Variants in TMEM101 observed in about 807,000 individuals in gnomAD.
The protein encoded by TMEM101 is transmembrane protein 101.
Under a neutral mutation model 26.0 loss-of-function variants are expected in TMEM101, and 14 were observed. The observed-to-expected ratio is 0.54, with a 90% CI of 0.36 to 0.84. TMEM101 has a LOEUF of 0.84. Ranked by LOEUF, TMEM101 falls within the 40% of genes least tolerant of loss-of-function variation. TMEM101 has a pLI of 0.01. For missense variants in TMEM101, 292 were observed against 345.1 expected, an observed-to-expected ratio of 0.85 and a Z score of 1.22; for synonymous variants, 152 against 145.1, an observed-to-expected ratio of 1.05 and a Z score of -0.34.
chr17:44,016,122 C>A (rs1755940427), upstream of TMEM101, among the ~76,000 whole-genome samples: 1 of 150,694 alleles, frequency 6.6e-6, no homozygotes, highest in African/African-American at 2.4e-5. Flanking sequence ...TATAGATACA[C>A]ACGCACACAC....
chr17:44,014,898 C>G lies in TMEM101; in HGVS notation c.55G>C (p.Gly19Arg). Residue 19 changes from glycine to arginine, a missense_variant, in exon 1 of 4, where the codon GGT (glycine) becomes CGT (arginine). Physicochemically the swap from Gly to Arg is moderately radical, Grantham distance 125. Around this residue, in one of 2 missense-constraint regions of TMEM101, gnomAD observed 143 missense variants for 133.2 expected, o/e 1.07. Transcript: ENST00000206380. ...RWMLQLIMQL[G>R]SVLLTRCPFW... Reference sequence around the variant, plus strand: ...GGGCAGCGTGTGAGCAGCACCGAACCCAACTGCATGATCAGCTGCAACATC... The same window carrying G: ...GGGCAGCGTGTGAGCAGCACCGAACGCAACTGCATGATCAGCTGCAACATC... 6.2e-7 allele frequency: 1 copy of G among 1,614,090 alleles called. No individual in the cohort carries two copies. Among genetic ancestry groups the G allele is most frequent in the Non-Finnish European group, 8.5e-7 (1 of 1,179,980 alleles).
chr17:44,016,634 T>C (rs148002441), upstream of TMEM101, among the ~76,000 whole-genome samples: 2 of 152,292 alleles, frequency 1.3e-5, no homozygotes, highest in African/African-American at 4.8e-5. Context: ...ATACTGTAAG[T>C]TGAAAATGTG....
intron 2 of TMEM101, among the ~76,000 whole-genome samples, chr17:44,013,374 G>A (rs564551633): frequency 1.4e-4 from 21 of 152,194 alleles, no homozygotes; most frequent in Admixed American, 9.8e-4. Context: ...AAACTGTCAG[G>A]TCTGGCCAGG....
upstream of TMEM101, chr17:44,019,257 C>T (rs530089881): frequency 5.0e-6 from 2 of 400,614 alleles, no homozygotes; most frequent in African/African-American, 2.1e-5. Context: ...GAGGATTCAC[C>T]ACCAGACTGG....
At chr17:44,018,274 A>G (rs2049253086), upstream of TMEM101, among the ~76,000 whole-genome samples, 1 of 152,126 alleles carries the variant, frequency 6.6e-6, no homozygotes, top group Admixed American at 6.5e-5. Context: ...GCATTGAGCT[A>G]TGATTGCACT....
Position 44,012,091 on chromosome 17 carries a change from G to C in TMEM101, c.611C>G (p.Ala204Gly). Residue 204 changes from alanine to glycine, a missense_variant, in exon 4 of 4, where the codon GCC (alanine) becomes GGC (glycine). Physicochemically the swap from Ala to Gly is moderately conservative, Grantham distance 60. Transcript: ENST00000206380. Reference sequence around the variant, plus strand: ...GGGCAGCAGTACAGCCAGGATCTGGGCAGCGAGGGTCACGTAGTAGCCTGA... The same window carrying C: ...GGGCAGCAGTACAGCCAGGATCTGGCCAGCGAGGGTCACGTAGTAGCCTGA... Reference protein sequence around the residue: ...FLSGYYVTLAAQILAVLLPPV... With the variant: ...FLSGYYVTLAGQILAVLLPPV... 1 of 1,614,248 alleles carries C rather than the reference G, an allele frequency of 6.2e-7. No individual in the cohort carries two copies. Among genetic ancestry groups the C allele is most frequent in the East Asian group, 2.2e-5 (1 of 44,886 alleles).
intron 2 of TMEM101, among the ~76,000 whole-genome samples, chr17:44,020,485 C>G (rs1281688317): frequency 6.6e-6 from 1 of 152,156 alleles, no homozygotes; most frequent in African/African-American, 2.4e-5. Flanking sequence ...CTTTGGGAGG[C>G]CGAGGAGGGC....
intron 1 of TMEM101, 107 bp downstream of exon 1, chr17:44,014,709 G>C: frequency 6.6e-7 from 1 of 1,507,646 alleles, no homozygotes; most frequent in South Asian, 1.3e-5. Flanking sequence ...ACCCCTCCCA[G>C]GGAGGTCCCA....
At chr17:44,017,576 A>G (rs2049245916), upstream of TMEM101, among the ~76,000 whole-genome samples, 2 of 149,616 alleles carry the variant, frequency 1.3e-5, no homozygotes, top group African/African-American at 2.5e-5. Context: ...CCTGGGTGAC[A>G]AGGTGAGACA....
intron 1 of TMEM101, chr17:44,023,001 G>T: frequency 4.4e-6 from 1 of 227,244 alleles, no homozygotes; most frequent in East Asian, 1.5e-4. Flanking sequence ...GCAATAGGAA[G>T]GGGAGAAGGG....
chr17:44,014,214 C>T (rs1048295020), intron 2 of TMEM101, 143 bp downstream of exon 2: 125 of 942,048 alleles, frequency 1.3e-4, no homozygotes, highest in Non-Finnish European at 2.2e-5. Flanking sequence ...TCTGTAATCT[C>T]CATAAGCCAA....
At chr17:44,013,753 A>C (rs1404684960) in intron 2 of TMEM101, among the ~76,000 whole-genome samples, 2 of 152,148 alleles carry the variant, frequency 1.3e-5, no homozygotes, top group African/African-American at 4.8e-5. Context: ...CCACTCTCAG[A>C]TCTGTAGACT....
rs780765358 is a variant in TMEM101 at position 44,013,120 on chromosome 17, G to A, written c.354C>T (p.Gly118=). ...RMYSRTVAII[G]GFLVLASGAG... ...CACCGCTGGCCAACACAAGAAAGCCGCCGATGATGGCAACTGTGCGCGAGT... is the reference window on the plus strand; with the variant it reads ...CACCGCTGGCCAACACAAGAAAGCCACCGATGATGGCAACTGTGCGCGAGT... Residue 118 remains glycine (G), a synonymous_variant, in exon 3 of 4, where the codon GGC becomes GGT. Coordinates refer to ENST00000206380, the MANE Select transcript of TMEM101 (RefSeq NM_032376.4). The A allele has an allele frequency of 7.5e-6, 12 of 1,606,220 alleles. No individual in the cohort carries two copies. The highest frequency in any genetic ancestry group is 1.1e-5 in the South Asian group (1 of 90,694).
Position 44,011,874 on chromosome 17 carries a change from G to C in TMEM101, c.*54C>G, listed in dbSNP as rs900727980. ...AGCAGCTGGGCCAGCAAGGAGGAAG[G>C]CAGGGTGACCCTCAGTGGCTCCCTG... On this transcript the variant is annotated 3_prime_UTR_variant, in exon 4 of 4. Coordinates refer to ENST00000206380, the MANE Select transcript of TMEM101 (RefSeq NM_032376.4). 3 of 1,501,602 alleles carry C rather than the reference G, an allele frequency of 2.0e-6. No individual in the cohort carries two copies. Among genetic ancestry groups the C allele is most frequent in the Non-Finnish European group, 2.7e-6 (3 of 1,103,694 alleles). The allele number at this position is 1,501,602 out of a possible 1,614,324, so 93.0% of individuals were successfully genotyped here.
chr17:44,021,185 T>C (rs1403134791), intron 2 of TMEM101: 1 of 152,166 alleles, frequency 6.6e-6, no homozygotes, highest in African/African-American at 2.4e-5. Flanking sequence ...GGAAATTTCC[T>C]CGGGGGTTGT....
upstream of TMEM101, chr17:44,023,151 G>A: frequency 4.5e-6 from 1 of 224,340 alleles, no homozygotes; most frequent in Non-Finnish European, 9.0e-6. Context: ...GCGCAGTCTG[G>A]GACCCTAGCT....
chr17:44,023,107 G>C (rs755431445), upstream of TMEM101: 1 of 339,732 alleles, frequency 2.9e-6, no homozygotes, highest in Non-Finnish European at 5.8e-6. Context: ...CCACTCGTCC[G>C]TGCACAGACG....
chr17:44,015,076 T>G (rs2049215086), upstream of TMEM101: 11 of 1,357,878 alleles, frequency 8.1e-6, no homozygotes, highest in South Asian at 1.5e-5. Flanking sequence ...TGTCATTCTC[T>G]AGTTCCGGAT....
intron 1 of TMEM101, among the ~76,000 whole-genome samples, chr17:44,022,004 CTGCT>C (rs2049289736): frequency 6.6e-6 from 1 of 152,190 alleles, no homozygotes; most frequent in African/African-American, 2.4e-5. Context: ...GTCAGTTGCA[CTGCT>C]TGTTTAGCTT....
Sources: allele counts gnomAD v4.1 joint callset (sites outside exome capture counted in the v4.1 genomes callset), GRCh38; gene constraint gnomAD v4.1.1; regional missense constraint gnomAD v4.1.1; transcripts MANE v1.5; gene names NCBI Gene and HGNC (gene_info 2026-07-23, HGNC 2026-07-21).